IQCM: variants seen among roughly 807,000 people sequenced by gnomAD.
The protein encoded by IQCM is IQ motif containing M, also known as IQ domain-containing protein M.
IQCM carries 45 observed loss-of-function variants against 57.6 expected under a neutral mutation model. The observed-to-expected ratio is 0.78, with a 90% CI of 0.62 to 1.00. The LOEUF (loss-of-function observed/expected upper bound fraction) is 1.00, where lower values mean the gene tolerates loss of function less well. Ranked by LOEUF, IQCM falls within the 50% of genes least tolerant of loss-of-function variation. The probability of loss-of-function intolerance (pLI) is 0.00; values close to 1 mark genes in which losing one functional copy is unlikely to be tolerated. For synonymous variants in IQCM, 148 were observed against 158.9 expected, an observed-to-expected ratio of 0.93 and a Z score of 0.51; for missense variants, 468 against 511.6, an observed-to-expected ratio of 0.91 and a Z score of 0.82.
At chr4:149,439,411 G>A (rs1735683353) in intron 12 of IQCM, among the ~76,000 whole-genome samples, 1 of 151,914 alleles carries the variant, frequency 6.6e-6, no homozygotes, top group African/African-American at 2.4e-5. Context: ...CTGTCTTCAA[G>A]GGCTTTAGAT....
rs1761552350 is a variant in IQCM, at chr4:149,674,169, A to G, written c.565+7949T>C. On this transcript the variant is annotated intron_variant, in intron 7 of 13. Transcript: ENST00000636793. ...GATGATTTTTTCCGGTGTATTTTTT[A>G]TTAAAAATGAAAACAGCATACTTGA... Among the ~76,000 whole-genome samples, 8 of 152,176 alleles carry G rather than the reference A, an allele frequency of 5.3e-5. No homozygotes were observed. In the South Asian group the frequency reaches 1.7e-3, roughly 31 times the overall value.
At chr4:149,683,513 A>G (rs1179316471) in intron 6 of IQCM, among the ~76,000 whole-genome samples, 2 of 151,274 alleles carry the variant, frequency 1.3e-5, no homozygotes, top group East Asian at 3.9e-4. Context: ...ATGCCCACAG[A>G]GTTGGCCAAA....
chr4:149,527,288 T>G (rs557717480), intron 12 of IQCM, among the ~76,000 whole-genome samples: 1 of 152,324 alleles, frequency 6.6e-6, no homozygotes, highest in East Asian at 1.9e-4. Flanking sequence ...GACATGTATT[T>G]CCCTCTTATT....
chr4:149,626,496 G>T (rs555384287), intron 7 of IQCM, among the ~76,000 whole-genome samples: 6 of 150,316 alleles, frequency 4.0e-5, no homozygotes, highest in Admixed American at 6.7e-5. Flanking sequence ...CAAGCTTAAG[G>T]TAAGTTAGAA....
intron 7 of IQCM, among the ~76,000 whole-genome samples, chr4:149,659,613 G>A (rs1446246826): frequency 4.6e-5 from 7 of 152,044 alleles, no homozygotes; most frequent in Admixed American, 6.6e-5. Context: ...AAACAGCATG[G>A]TACTGGTACC....
chr4:149,442,817 T>C (rs950438268), intron 12 of IQCM, among the ~76,000 whole-genome samples: 4 of 151,886 alleles, frequency 2.6e-5, no homozygotes, highest in Admixed American at 2.6e-4. Flanking sequence ...TCTGTAAGGC[T>C]CCTCAATATC....
At chr4:149,768,310 A>G (rs1049164931) in intron 2 of IQCM, among the ~76,000 whole-genome samples, 4 of 152,160 alleles carry the variant, frequency 2.6e-5, no homozygotes, top group African/African-American at 9.6e-5. Context: ...CACATCACAC[A>G]ATCTGCTGAT....
intron 10 of IQCM, among the ~76,000 whole-genome samples, chr4:149,558,596 GAGAC>G (rs1749807391): frequency 6.6e-6 from 1 of 152,116 alleles, no homozygotes; most frequent in African/African-American, 2.4e-5. Flanking sequence ...TGTTTTAAAA[GAGAC>G]AGGGAGTGAT....
intron 12 of IQCM, among the ~76,000 whole-genome samples, chr4:149,459,451 A>G (rs552053583): frequency 1.3e-5 from 2 of 152,372 alleles, no homozygotes; most frequent in South Asian, 2.1e-4. Context: ...TAGAATACAC[A>G]TAACATAAAA....
At chr4:149,693,806 C>T (rs1197950927) in intron 5 of IQCM, among the ~76,000 whole-genome samples, 1 of 152,092 alleles carries the variant, frequency 6.6e-6, no homozygotes, top group East Asian at 1.9e-4. Flanking sequence ...CCATATTTGT[C>T]TGAAAATAGT....
At chr4:149,653,060 T>A (rs993142540) in intron 7 of IQCM, among the ~76,000 whole-genome samples, 3 of 152,080 alleles carry the variant, frequency 2.0e-5, no homozygotes, top group Admixed American at 2.0e-4. Context: ...GGAAAATAAG[T>A]GTAACATGAG....
chr4:149,634,244 A>G (rs879879537), intron 7 of IQCM, among the ~76,000 whole-genome samples: 8 of 152,092 alleles, frequency 5.3e-5, no homozygotes, highest in Non-Finnish European at 1.2e-4. Context: ...CCCAAACTCA[A>G]GTGATCTGCC....
rs573587846 is a variant in IQCM, at chr4:149,519,635, G to A, written c.1228+28820C>T. On this transcript the variant is annotated intron_variant, in intron 12 of 13. Transcript: ENST00000636793. ...CGCTCCAGCCTGGGCAACAGAGCGA[G>A]ACTCTGTCTCAAAAAAAAAAAGATT... Among the ~76,000 whole-genome samples the A allele has an allele frequency of 2.0e-5, 3 of 151,794 alleles. No individual in the cohort carries two copies. In the East Asian group the frequency reaches 5.8e-4, roughly 30 times the overall value.
intron 11 of IQCM, among the ~76,000 whole-genome samples, chr4:149,550,368 T>A (rs1448021929): frequency 6.6e-6 from 1 of 152,240 alleles, no homozygotes; most frequent in Non-Finnish European, 1.5e-5. Flanking sequence ...AAATTAGTTG[T>A]ACTTGAATTA....
intron 5 of IQCM, among the ~76,000 whole-genome samples, chr4:149,714,443 T>C (rs1384668866): frequency 1.3e-5 from 2 of 152,174 alleles, no homozygotes; most frequent in South Asian, 2.1e-4. Context: ...TCCTTTCCCA[T>C]GAACTCCAAA....
intron 7 of IQCM, among the ~76,000 whole-genome samples, chr4:149,668,458 G>T (rs542132156): frequency 2.0e-5 from 3 of 152,076 alleles, no homozygotes; most frequent in Non-Finnish European, 4.4e-5. Flanking sequence ...ACTGGTACCA[G>T]CCACTGCAAA....
chr4:149,764,511 ATC>A (rs1769850586), intron 2 of IQCM, among the ~76,000 whole-genome samples: 1 of 152,100 alleles, frequency 6.6e-6, no homozygotes, highest in Non-Finnish European at 1.5e-5. Flanking sequence ...AGGCCCATAC[ATC>A]TCTCTCTTGT....
intron 8 of IQCM, among the ~76,000 whole-genome samples, chr4:149,610,229 G>C (rs1253653630): frequency 6.6e-6 from 1 of 151,534 alleles, no homozygotes; most frequent in African/African-American, 2.4e-5. Flanking sequence ...AATTGAAGAG[G>C]ACAAAAAAAT....
At chr4:149,605,137 C>A (rs539768912) in intron 8 of IQCM, among the ~76,000 whole-genome samples, 1 of 152,224 alleles carries the variant, frequency 6.6e-6, no homozygotes, top group East Asian at 1.9e-4. Flanking sequence ...TATCTCAGAG[C>A]AAAAGGTCAA....
Sources: gnomAD v4.1 joint callset for allele counts (sites outside exome capture counted in the v4.1 genomes callset) on GRCh38, gnomAD v4.1.1 for gene constraint, MANE v1.5 for transcripts, NCBI Gene and HGNC (gene_info 2026-07-23, HGNC 2026-07-21) for gene names.